NRXN3: variants seen among roughly 807,000 people sequenced by gnomAD.
NRXN3 encodes neurexin III.
In NRXN3, 32 loss-of-function variants were observed where a neutral mutation model predicts 137.6. The observed-to-expected ratio is 0.23, with a 90% CI of 0.18 to 0.31. The LOEUF (loss-of-function observed/expected upper bound fraction) is 0.31. Ranked by LOEUF, NRXN3 falls within the 10% of genes least tolerant of loss-of-function variation. The pLI is 1.00. For synonymous variants in NRXN3, 798 were observed against 784.5 expected (o/e 1.02, Z -0.29); for missense variants, 1,574 against 2,062.5 (o/e 0.76, Z 4.59).
chr14:79,574,880 AAC>A (rs2097650002), intron 16 of NRXN3, among the ~76,000 whole-genome samples: 1 of 152,118 alleles, frequency 6.6e-6, no homozygotes, highest in Admixed American at 6.6e-5. Context: ...TACCCAAGAA[AAC>A]ACAGTAAATT....
intron 15 of NRXN3, among the ~76,000 whole-genome samples, chr14:79,410,117 A>G (rs1270865066): frequency 2.0e-5 from 3 of 151,956 alleles, no homozygotes; most frequent in African/African-American, 7.3e-5. Context: ...GGCTGAAGAA[A>G]AAATACATTC....
At chr14:79,782,735 T>G (rs1262385515) in intron 19 of NRXN3, among the ~76,000 whole-genome samples, 1 of 152,072 alleles carries the variant, frequency 6.6e-6, no homozygotes, top group African/African-American at 2.4e-5. Context: ...CTTATATGAG[T>G]TGACAACATA....
chr14:79,383,522 C>T (rs2094527087), intron 15 of NRXN3, among the ~76,000 whole-genome samples: 1 of 152,110 alleles, frequency 6.6e-6, no homozygotes, highest in South Asian at 2.1e-4. Context: ...TTGTAAATTC[C>T]AAGAAACTTA....
chr14:79,017,741 C>T (rs1229216592), intron 15 of NRXN3, among the ~76,000 whole-genome samples: 3 of 152,100 alleles, frequency 2.0e-5, no homozygotes, highest in Non-Finnish European at 4.4e-5. Context: ...TTGATGTCTG[C>T]AGGGAAAGGA....
intron 15 of NRXN3, among the ~76,000 whole-genome samples, chr14:79,144,550 G>T (rs1427923066): frequency 1.3e-5 from 2 of 152,018 alleles, no homozygotes; most frequent in Non-Finnish European, 2.9e-5. Context: ...CTCTTGTCTG[G>T]GTAGCCTTGC....
chr14:79,619,503 T>C (rs554723476), intron 16 of NRXN3, among the ~76,000 whole-genome samples: 63 of 152,120 alleles, frequency 4.1e-4, no homozygotes, highest in African/African-American at 1.5e-3. Flanking sequence ...AGATTTTATG[T>C]GATGTTGAAA....
intron 6 of NRXN3, among the ~76,000 whole-genome samples, chr14:78,690,590 G>T (rs920208568): frequency 6.6e-6 from 1 of 152,094 alleles, no homozygotes; most frequent in Non-Finnish European, 1.5e-5. Flanking sequence ...ATAAAATATG[G>T]TCTTAAATAG....
chr14:78,457,415 A>T (rs777282032), intron 4 of NRXN3, among the ~76,000 whole-genome samples: 2 of 152,058 alleles, frequency 1.3e-5, no homozygotes, highest in African/African-American at 2.4e-5. Context: ...AGGCCCCCTC[A>T]CTTCGTTATT....
chr14:79,858,813 C>G (rs887081801), intron 20 of NRXN3, among the ~76,000 whole-genome samples: 2 of 152,046 alleles, frequency 1.3e-5, no homozygotes, highest in African/African-American at 4.8e-5. Flanking sequence ...CCACTTGGGA[C>G]CCCCTAGCAG....
intron 19 of NRXN3, among the ~76,000 whole-genome samples, chr14:79,699,810 G>T (rs1262708751): frequency 6.6e-6 from 1 of 151,922 alleles, no homozygotes; most frequent in Non-Finnish European, 1.5e-5. Context: ...ACATCTACAT[G>T]CTTTTCCTTT....
chr14:79,702,135 C>A (rs558276934), intron 19 of NRXN3, among the ~76,000 whole-genome samples: 1 of 152,076 alleles, frequency 6.6e-6, no homozygotes, highest in African/African-American at 2.4e-5. Flanking sequence ...TTAGTCCTGG[C>A]AAATCAAAAT....
At chr14:78,348,551 C>G (rs780951760) in intron 4 of NRXN3, among the ~76,000 whole-genome samples, 1 of 152,212 alleles carries the variant, frequency 6.6e-6, no homozygotes, top group Non-Finnish European at 1.5e-5. Flanking sequence ...TTAATCTTCA[C>G]TCTTCCCCCA....
chr14:78,290,521 A>G (rs2075696491), intron 3 of NRXN3, among the ~76,000 whole-genome samples: 1 of 152,128 alleles, frequency 6.6e-6, no homozygotes, highest in Admixed American at 6.5e-5. Flanking sequence ...AATCGCAACT[A>G]CTCAGGAGGC....
rs943256287 is a variant in NRXN3, at chr14:79,862,765, T to C, written c.*801T>C. ...TGCTGAACACATAGCAAAATTCATG[T>C]GACGGATGATAAATTGATTCGAAAA... is the stretch of plus-strand genomic sequence containing the variant. On this transcript the variant is annotated 3_prime_UTR_variant, in exon 21 of 21. Transcript: ENST00000335750. The C allele has an allele frequency of 6.6e-6, 1 of 152,658 alleles. No homozygotes were observed. Among genetic ancestry groups the C allele is most frequent in the Admixed American group, 6.5e-5 (1 of 15,286 alleles). The allele number at this position is 152,658 out of a possible 1,614,324, so 9.5% of individuals were successfully genotyped here.
At chr14:79,294,280 A>G (rs61995451) in intron 15 of NRXN3, among the ~76,000 whole-genome samples, 4,062 of 152,298 alleles carry the variant, frequency 0.027, 83 homozygotes, top group Non-Finnish European at 0.041. Flanking sequence ...TAGTGTGTTA[A>G]CTCAGGTAAT....
chr14:79,247,167 A>G (rs946070560), intron 15 of NRXN3: 1 of 152,208 alleles, frequency 6.6e-6, no homozygotes, highest in Non-Finnish European at 1.5e-5. Context: ...TCATTATATT[A>G]TCTCTTTTTT....
At chr14:78,977,013 A>G (rs2099469698) in intron 14 of NRXN3, among the ~76,000 whole-genome samples, 1 of 152,276 alleles carries the variant, frequency 6.6e-6, no homozygotes, top group South Asian at 2.1e-4. Context: ...TAGGTCTTGC[A>G]TATGTTCTTT....
At chr14:78,495,906 C>T (rs1203401293) in intron 4 of NRXN3, among the ~76,000 whole-genome samples, 3 of 152,228 alleles carry the variant, frequency 2.0e-5, no homozygotes, top group African/African-American at 7.2e-5. Context: ...TCTATTAGGA[C>T]ATCCACTGCA....
chr14:78,951,887 G>A (rs542003226), intron 10 of NRXN3, among the ~76,000 whole-genome samples: 2 of 152,264 alleles, frequency 1.3e-5, no homozygotes, highest in African/African-American at 2.4e-5. Context: ...GATGAGGCAC[G>A]GAGAAAGAGG....
Sources: allele counts gnomAD v4.1 joint callset (sites outside exome capture counted in the v4.1 genomes callset), GRCh38; gene constraint gnomAD v4.1.1; transcripts MANE v1.5; gene names NCBI Gene and HGNC (gene_info 2026-07-23, HGNC 2026-07-21).